SH3BP4: variants seen among roughly 807,000 people sequenced by gnomAD.
The protein encoded by SH3BP4 is SH3 domain binding protein 4, also known as SH3 domain-binding protein 4.
SH3BP4 carries 33 observed loss-of-function variants against 65.5 expected under a neutral mutation model. The observed-to-expected ratio is 0.50, with a 90% confidence interval of 0.38 to 0.67. SH3BP4 has a LOEUF of 0.67. Ranked by LOEUF, SH3BP4 falls within the 30% of genes least tolerant of loss-of-function variation. The pLI is 0.00. For missense variants in SH3BP4, 1,134 were observed against 1,261.4 expected (o/e 0.90, Z 1.53); for synonymous variants, 552 against 545.5 (o/e 1.01, Z -0.17).
At chr2:235,014,183 G>T (rs148920694) in intron 2 of SH3BP4, among the ~76,000 whole-genome samples, 5 of 152,148 alleles carry the variant, frequency 3.3e-5, no homozygotes, top group African/African-American at 9.7e-5. Context: ...GTAATTACCC[G>T]TTGCCTGCCG....
chr2:234,955,162 C>A lies in SH3BP4; in HGVS notation c.-207+2992C>A, dbSNP rs114422725. 8.8e-3 allele frequency among the ~76,000 whole-genome samples: 1,344 copies of A among 152,218 alleles called. 15 individuals carry two copies. The highest frequency in any genetic ancestry group is 0.03 in the African/African-American group (1,242 of 41,532). ...TCTCTGTTGCGAGGTAGCCGCCTGA[C>A]AACCAGGAATCCGAAAAGGTCACCG... On this transcript the variant is annotated intron_variant, in intron 1 of 5. Coordinates refer to ENST00000392011, the MANE Select transcript of SH3BP4 (RefSeq NM_014521.3).
At chr2:234,962,618 C>T (rs764692720) in intron 1 of SH3BP4, among the ~76,000 whole-genome samples, 3 of 152,134 alleles carry the variant, frequency 2.0e-5, no homozygotes, top group East Asian at 1.9e-4. Flanking sequence ...CTTTCATATG[C>T]GTCTTTCAGA....
Position 234,978,129 on chromosome 2 carries a change from A to AT in SH3BP4, c.-206-17168dup, listed in dbSNP as rs1172488225. ...CGCCACCATGCCGGCTAATTTTTGTATTTTTTAGTAGAGAAGGGGTTTCAC... is the reference window on the plus strand; with the variant it reads ...CGCCACCATGCCGGCTAATTTTTGTATTTTTTTAGTAGAGAAGGGGTTTCAC... On this transcript the variant is annotated intron_variant, in intron 1 of 5. Transcript: ENST00000392011. This position sits in a 1 kb window ranked among gnomAD's most constrained non-coding sequence, Gnocchi z 4.1. Among the ~76,000 whole-genome samples, 1 of 150,846 alleles carries AT rather than the reference A, an allele frequency of 6.6e-6. No individual in the cohort carries two copies. Among genetic ancestry groups the AT allele is most frequent in the Non-Finnish European group, 1.5e-5 (1 of 67,710 alleles).
intron 2 of SH3BP4, among the ~76,000 whole-genome samples, chr2:235,021,946 C>A (rs1454905590): frequency 2.0e-5 from 3 of 152,130 alleles, no homozygotes; most frequent in African/African-American, 7.2e-5. Context: ...AATTTTGTAA[C>A]ATCCCTCCCC....
At chr2:235,024,286 G>A (rs970437659) in intron 2 of SH3BP4, among the ~76,000 whole-genome samples, 1 of 152,212 alleles carries the variant, frequency 6.6e-6, no homozygotes. Context: ...TCTCCTAAGC[G>A]ACGCCCTGAG....
intron 2 of SH3BP4, among the ~76,000 whole-genome samples, chr2:235,016,380 G>A (rs10180160): frequency 0.31 from 46,769 of 152,120 alleles, 11,431 homozygotes; most frequent in African/African-American, 0.67. Flanking sequence ...GGTGTGCTGC[G>A]GTGTTGTACT....
chr2:235,028,400 T>C lies in SH3BP4; in HGVS notation c.-132-6471T>C, dbSNP rs1292089316. Among the ~76,000 whole-genome samples the C allele has an allele frequency of 2.6e-5, 4 of 152,180 alleles. No individual in the cohort carries two copies. In the East Asian group the frequency reaches 7.7e-4, roughly 29 times the overall value. On this transcript the variant is annotated intron_variant, in intron 2 of 5. Transcript: ENST00000392011. ...GCCCACCAAGGGAACCTGTTGGTGT[T>C]TTGAGAATGTGTGGCTTAGGTTTCA...
intron 2 of SH3BP4, among the ~76,000 whole-genome samples, chr2:234,996,366 C>G (rs1274768226): frequency 1.1e-4 from 16 of 152,180 alleles, no homozygotes. Context: ...ATTTCAACTT[C>G]TCCCCCCACC....
rs894065889 is a variant in SH3BP4, at chr2:234,973,410, C to T, written c.-207+21240C>T. Among the ~76,000 whole-genome samples the T allele has an allele frequency of 5.9e-5, 9 of 152,306 alleles. No individual in the cohort carries two copies. The South Asian group carries it at 1.0e-3, about 18-fold the overall frequency. On this transcript the variant is annotated intron_variant, in intron 1 of 5. Coordinates refer to ENST00000392011, the MANE Select transcript of SH3BP4 (RefSeq NM_014521.3). ...CAATCTTCCTTGCTAAGATTGGCAT[C>T]TTTGCAGCATTTCTAAGCAGTATGT...
chr2:235,009,636 T>C (rs918853653), intron 2 of SH3BP4, among the ~76,000 whole-genome samples: 10 of 152,124 alleles, frequency 6.6e-5, no homozygotes, highest in African/African-American at 9.7e-5. Context: ...TCTGGGGTCT[T>C]GCCCTTGACT....
chr2:234,996,229 C>T (rs993149294), intron 2 of SH3BP4, among the ~76,000 whole-genome samples: 53 of 152,192 alleles, frequency 3.5e-4, no homozygotes, highest in Admixed American at 3.4e-3. Context: ...AGCCGCAGCT[C>T]ACAGTGGGAT....
intron 2 of SH3BP4, among the ~76,000 whole-genome samples, chr2:235,001,669 C>T (rs1047442285): frequency 6.6e-6 from 1 of 152,076 alleles, no homozygotes; most frequent in African/African-American, 2.4e-5. Context: ...AAGGTGCTCC[C>T]CTAGATAGGT....
rs113375942 is a variant in SH3BP4 at position 234,967,583 on chromosome 2, G to A, written c.-207+15413G>A. ...CTTCCCTAAGTGGTATTGGAGCTGCGCTCATTGCAATAAGGAATTATTCTC... is the reference window on the plus strand; with the variant it reads ...CTTCCCTAAGTGGTATTGGAGCTGCACTCATTGCAATAAGGAATTATTCTC... On this transcript the variant is annotated intron_variant, in intron 1 of 5. Coordinates refer to ENST00000392011, the MANE Select transcript of SH3BP4 (RefSeq NM_014521.3). The surrounding 1 kb of genome is among the most constrained non-coding windows in gnomAD (Gnocchi z 4.6). Among the ~76,000 whole-genome samples, 1 of 152,196 alleles carries A rather than the reference G, an allele frequency of 6.6e-6. No homozygotes were observed. The highest frequency in any genetic ancestry group is 2.1e-4 in the South Asian group (1 of 4,836).
chr2:235,001,415 AGCCGAGGCGG>A (rs1694095103), intron 2 of SH3BP4, among the ~76,000 whole-genome samples: 1 of 152,212 alleles, frequency 6.6e-6, no homozygotes, highest in Non-Finnish European at 1.5e-5. Context: ...AGATAAGATA[AGCCGAGGCGG>A]GACCTAATGG....
chr2:234,954,462 G>T (rs1692543649), intron 1 of SH3BP4, among the ~76,000 whole-genome samples: 1 of 152,116 alleles, frequency 6.6e-6, no homozygotes, highest in African/African-American at 2.4e-5. Flanking sequence ...GCTCAAGAGG[G>T]GGTTTTGGAA....
At chr2:234,954,984 G>A (rs1692554722) in intron 1 of SH3BP4, among the ~76,000 whole-genome samples, 2 of 152,154 alleles carry the variant, frequency 1.3e-5, no homozygotes, top group Admixed American at 1.3e-4. Flanking sequence ...AGTAGGAGCT[G>A]CTGTTTACAA....
intron 3 of SH3BP4, among the ~76,000 whole-genome samples, chr2:235,040,602 A>G (rs1398698426): frequency 6.6e-6 from 1 of 151,704 alleles, no homozygotes; most frequent in African/African-American, 2.4e-5. Context: ...AGGGCATGTT[A>G]AATATTCCAT....
At chr2:234,990,825 C>T (rs1457323468) in intron 1 of SH3BP4, among the ~76,000 whole-genome samples, 3 of 152,208 alleles carry the variant, frequency 2.0e-5, no homozygotes, top group Non-Finnish European at 2.9e-5. Flanking sequence ...AGGGCTGGTT[C>T]CTTCTGAGGC....
chr2:235,015,820 A>G (rs1438195545), intron 2 of SH3BP4, among the ~76,000 whole-genome samples: 1 of 152,108 alleles, frequency 6.6e-6, no homozygotes, highest in Non-Finnish European at 1.5e-5. Flanking sequence ...CACGTCATCC[A>G]GGGAAGCTCC....
Sources: gnomAD v4.1 joint callset for allele counts (sites outside exome capture counted in the v4.1 genomes callset) on GRCh38, gnomAD v4.1.1 for gene constraint, Gnocchi (gnomAD v3.1) non-coding constraint, MANE v1.5 for transcripts, NCBI Gene and HGNC (gene_info 2026-07-23, HGNC 2026-07-21) for gene names.